The following TNS1 variants were observed in gnomAD, a reference collection of about 807,000 sequenced individuals.
TNS1 encodes tensin-1.
Under a neutral mutation model 168.6 loss-of-function variants are expected in TNS1, and 62 were observed. The observed-to-expected ratio is 0.37, with a 90% CI of 0.30 to 0.45. The LOEUF (loss-of-function observed/expected upper bound fraction) is 0.45, where lower values mean the gene tolerates loss of function less well. Ranked by LOEUF, TNS1 falls within the 20% of genes least tolerant of loss-of-function variation. The probability of loss-of-function intolerance (pLI) is 1.00; values close to 1 mark genes in which losing one functional copy is unlikely to be tolerated. For synonymous variants in TNS1, 934 were observed against 933.2 expected (o/e 1.00, Z -0.02); for missense variants, 2,240 against 2,339.4 (o/e 0.96, Z 0.88).
chr2:218,029,324 C>CTGGTG (rs1958873960), intron 1 of TNS1, among the ~76,000 whole-genome samples: 1 of 152,246 alleles, frequency 6.6e-6, no homozygotes, highest in Admixed American at 6.5e-5. Context: ...CATCAAGGTG[C>CTGGTG]TGAAGTTCTC....
At chr2:217,858,590 C>A (rs1948441828) in intron 18 of TNS1, 2 of 985,586 alleles carry the variant, frequency 2.0e-6, no homozygotes, top group African/African-American at 1.8e-5. Context: ...ATGGCTGCAG[C>A]TCCAAGTGCT....
At chr2:217,824,509 G>T (rs1485671578) in intron 22 of TNS1, among the ~76,000 whole-genome samples, 1 of 152,192 alleles carries the variant, frequency 6.6e-6, no homozygotes, top group South Asian at 2.1e-4. Context: ...ACCTTGCCCA[G>T]GTCACAGCTG....
At chr2:217,945,300 T>C (rs940108406) in intron 3 of TNS1, among the ~76,000 whole-genome samples, 7 of 152,322 alleles carry the variant, frequency 4.6e-5, no homozygotes, top group African/African-American at 1.7e-4. Context: ...TTCCCCAGGC[T>C]TCAGTTTTCC....
chr2:217,830,145 TC>T, intron 22 of TNS1: 2 of 442,404 alleles, frequency 4.5e-6, no homozygotes, highest in Non-Finnish European at 6.0e-6. Flanking sequence ...CATAGTTGAG[TC>T]CCCGGCTCTC....
Position 217,858,671 on chromosome 2 carries a change from T to TACACAC in TNS1, c.1430-9590_1430-9585dup, listed in dbSNP as rs60953913. 1.7e-3 allele frequency: 250 copies of TACACAC among 149,310 alleles called. 1 individual carries two copies. Among genetic ancestry groups the TACACAC allele is most frequent in the East Asian group, 3.8e-3 (16 of 4,246 alleles). 9.2% of individuals were successfully genotyped at this position (149,310 alleles called of 1,614,324 possible). A position where few individuals can be genotyped will look rare whatever the true frequency, so the allele number is the denominator to read the frequency against. On this transcript the variant is annotated intron_variant, in intron 18 of 32. Transcript: ENST00000682258. ...AGCCAGTGCCGCCTGCCTGCCCATG[T>TACACAC]ACACACACACACACACACACACACA...
Position 217,818,724 on chromosome 2 carries a change from C to T in TNS1, c.3608G>A (p.Ser1203Asn). 1.9e-6 allele frequency: 3 copies of T among 1,613,560 alleles called. No homozygotes were observed. The highest frequency in any genetic ancestry group is 2.5e-6 in the Non-Finnish European group (3 of 1,179,780). The change falls in exon 24 of 33, where the codon AGT becomes AAT. Residue 1203 changes from serine (S) to asparagine (N), a missense_variant. Around this residue, in one of 2 missense-constraint regions of TNS1, gnomAD observed 2,131 missense variants for 2,171.2 expected, o/e 0.98. Coordinates refer to ENST00000682258, the MANE Select transcript of TNS1 (RefSeq NM_001387777.1). ...GGTGGGCGTCCGGGGACCCTGGTCA[C>T]TGCTCTCTCCCGACGGGAAACTCCC... ...SVGSFPSGESSDQGPRTPTQP... is the reference protein window; with the variant it reads ...SVGSFPSGESNDQGPRTPTQP...
upstream of TNS1, among the ~76,000 whole-genome samples, chr2:218,003,717 CGA>C (rs1958615382): frequency 1.3e-5 from 2 of 151,954 alleles, no homozygotes; most frequent in South Asian, 4.2e-4. Context: ...CAGGCTCCCG[CGA>C]GAGTGTGTTT....
At position 217,897,823 on chromosome 2, in the gene TNS1, T is replaced by C; in HGVS notation, c.518A>G (p.Lys173Arg). ...CAGGTAGTTGCCTCCATGTTTGGACTTGAGCATCTGCGCCACCTCACGGAG... is the reference window on the plus strand; with the variant it reads ...CAGGTAGTTGCCTCCATGTTTGGACCTGAGCATCTGCGCCACCTCACGGAG... ...SNLREVAQML[K>R]SKHGGNYLLF... is the part of the protein sequence containing the mutation. The change falls in exon 8 of 33, where the codon AAG (lysine) becomes AGG (arginine). Residue 173 changes from lysine to arginine, a missense_variant. Physicochemically the swap from Lys to Arg is conservative, Grantham distance 26. Transcript: ENST00000682258. 1 of 1,609,142 alleles carries C rather than the reference T, an allele frequency of 6.2e-7. No individual in the cohort carries two copies. The highest frequency in any genetic ancestry group is 8.5e-7 in the Non-Finnish European group (1 of 1,177,456).
chr2:217,854,662 G>A (rs926125363), intron 18 of TNS1, among the ~76,000 whole-genome samples: 3 of 152,216 alleles, frequency 2.0e-5, no homozygotes, highest in African/African-American at 7.2e-5. Context: ...GGTGAGCTTT[G>A]ATGAGAAGTG....
chr2:218,002,741 C>T (rs553740356), intron 1 of TNS1, 99 bp downstream of exon 1: 15 of 454,848 alleles, frequency 3.3e-5, no homozygotes, highest in Admixed American at 7.1e-5. Context: ...TGACACCCCC[C>T]GACCCCGGGC....
At chr2:217,864,614 T>C (rs901116538) in intron 18 of TNS1, among the ~76,000 whole-genome samples, 5 of 152,208 alleles carry the variant, frequency 3.3e-5, no homozygotes, top group Admixed American at 6.5e-5. Flanking sequence ...TGCTGGTTTA[T>C]AACAAACTCC....
chr2:217,813,553 A>C lies in TNS1; in HGVS notation c.4861+132T>G, dbSNP rs1200590319. On this transcript the variant is annotated intron_variant, in intron 26 of 32. Transcript: ENST00000682258. The surrounding 1 kb of genome is among the most constrained non-coding windows in gnomAD (Gnocchi z 4.0). ...TCTGACCTCAACCATCACCAAGCCC[A>C]AGACACCCTCTTCCGAAGAGCCTGA... The C allele has an allele frequency of 7.3e-7, 1 of 1,368,412 alleles. No individual in the cohort carries two copies. Among genetic ancestry groups the C allele is most frequent in the African/African-American group, 1.5e-5 (1 of 68,860 alleles). The allele number at this position is 1,368,412 out of a possible 1,614,324, so 84.8% of individuals were successfully genotyped here.
chr2:218,026,560 G>C (rs935673907), intron 1 of TNS1, among the ~76,000 whole-genome samples: 10 of 152,148 alleles, frequency 6.6e-5, no homozygotes, highest in African/African-American at 2.2e-4. Context: ...TTGGAATATT[G>C]GGCCCAAGGA....
chr2:217,935,328 A>T (rs888834232), intron 3 of TNS1, among the ~76,000 whole-genome samples: 1 of 152,206 alleles, frequency 6.6e-6, no homozygotes, highest in Non-Finnish European at 1.5e-5. Flanking sequence ...GAGGCTCTGG[A>T]GCTCAAGGGC....
Position 218,032,124 on chromosome 2 carries a change from AG to A in TNS1, c.156+1695del, listed in dbSNP as rs1451184377. ...GGGACCATAGGAGGGCTCAGGGTGT[AG>A]GGCAGTTGTGGGACCTAGAGAGGCC... On this transcript the variant is annotated intron_variant, in intron 1 of 1. Coordinates refer to the TNS1 transcript ENST00000649572. This position sits in a 1 kb window ranked among gnomAD's most constrained non-coding sequence, Gnocchi z 4.0. 1.3e-5 allele frequency among the ~76,000 whole-genome samples: 2 copies of A among 152,198 alleles called. No homozygotes were observed. The highest frequency in any genetic ancestry group is 2.4e-5 in the African/African-American group (1 of 41,450).
intron 1 of TNS1, among the ~76,000 whole-genome samples, chr2:218,022,057 G>C (rs1010238584): frequency 6.6e-6 from 1 of 152,138 alleles, no homozygotes; most frequent in Non-Finnish European, 1.5e-5. Context: ...CACTGGCATC[G>C]GGGGGCGAGG....
At chr2:217,981,255 G>C (rs1336787048) in intron 2 of TNS1, among the ~76,000 whole-genome samples, 1 of 152,238 alleles carries the variant, frequency 6.6e-6, no homozygotes, top group East Asian at 1.9e-4. Context: ...GAAATGGTGA[G>C]AAGGTGCCCT....
chr2:217,917,548 G>A (rs935932020), intron 4 of TNS1, among the ~76,000 whole-genome samples: 1 of 152,088 alleles, frequency 6.6e-6, no homozygotes, highest in African/African-American at 2.4e-5. Flanking sequence ...TTTGAGGTTC[G>A]GCCGGGCGCG....
intron 6 of TNS1, among the ~76,000 whole-genome samples, chr2:217,900,888 C>A (rs1952889476): frequency 6.6e-6 from 1 of 152,212 alleles, no homozygotes; most frequent in Non-Finnish European, 1.5e-5. Flanking sequence ...GAGAATACGA[C>A]TGCCACCACA....
Sources: gnomAD v4.1 joint callset for allele counts (sites outside exome capture counted in the v4.1 genomes callset) on GRCh38, gnomAD v4.1.1 for gene constraint, gnomAD v4.1.1 regional missense constraint, Gnocchi (gnomAD v3.1) non-coding constraint, MANE v1.5 for transcripts, NCBI Gene and HGNC (gene_info 2026-07-23, HGNC 2026-07-21) for gene names.